Variants in KCNK2 observed in about 807,000 individuals in gnomAD.
KCNK2 encodes the protein potassium two pore domain channel subfamily K member 2.
A neutral mutation model predicts 40.5 loss-of-function variants in KCNK2; 21 were observed. The observed-to-expected ratio is 0.52, with a 90% CI of 0.37 to 0.75. The LOEUF (loss-of-function observed/expected upper bound fraction) is 0.75, where lower values mean the gene tolerates loss of function less well. Among genes scored for constraint, KCNK2 ranks in the 30% least tolerant of loss-of-function variants. The pLI, the probability that KCNK2 is intolerant of heterozygous loss-of-function variation, is 0.00. For synonymous variants in KCNK2, 191 were observed against 202.2 expected (o/e 0.94, Z 0.47); for missense variants, 399 against 531.6 (o/e 0.75, Z 2.45).
At chr1:215,024,865 C>A (rs1656939060) in intron 1 of KCNK2, among the ~76,000 whole-genome samples, 1 of 151,986 alleles carries the variant, frequency 6.6e-6, no homozygotes, top group African/African-American at 2.4e-5. Flanking sequence ...ATTTAATAGC[C>A]TGTGGACTAA....
chr1:215,030,437 T>C (rs1330526861), intron 1 of KCNK2, among the ~76,000 whole-genome samples: 3 of 152,148 alleles, frequency 2.0e-5, no homozygotes, highest in African/African-American at 7.2e-5. Context: ...CTTTCTATTA[T>C]GGATTGTGCC....
chr1:215,083,635 C>T, intron 1 of KCNK2: 3 of 606,386 alleles, frequency 4.9e-6, no homozygotes, highest in South Asian at 2.0e-5. Flanking sequence ...CCTCTCCCGC[C>T]GGTGCCCGGG....
Position 215,083,356 on chromosome 1 carries a change from T to C in KCNK2, c.-30T>C. 1 of 1,614,114 alleles carries C rather than the reference T, an allele frequency of 6.2e-7. No homozygotes were observed. Among genetic ancestry groups the C allele is most frequent in the Non-Finnish European group, 8.5e-7 (1 of 1,180,012 alleles). On this transcript the variant is annotated 5_prime_UTR_variant, in exon 1 of 7. Coordinates refer to ENST00000444842, the MANE Select transcript of KCNK2 (RefSeq NM_001017425.3). ...AAAAAAAGCTTCAAGTCCGTCTTTT[T>C]CAAAAAACATTTTGAATGCTGCATG...
intron 6 of KCNK2, among the ~76,000 whole-genome samples, chr1:215,219,114 C>T (rs1391034324): frequency 6.6e-6 from 1 of 152,258 alleles, no homozygotes; most frequent in South Asian, 2.1e-4. Flanking sequence ...AAAGATAACT[C>T]ACAGAGACAC....
chr1:215,098,879 T>C (rs1364820770), intron 2 of KCNK2, among the ~76,000 whole-genome samples: 1 of 152,006 alleles, frequency 6.6e-6, no homozygotes, highest in Non-Finnish European at 1.5e-5. Context: ...TTTTTCTCTA[T>C]GATGACTTAG....
chr1:215,230,944 T>G (rs762824405), intron 6 of KCNK2, among the ~76,000 whole-genome samples: 8 of 152,164 alleles, frequency 5.3e-5, no homozygotes, highest in Non-Finnish European at 1.0e-4. Flanking sequence ...TATTAATAAT[T>G]TATGGACTCC....
intron 3 of KCNK2, among the ~76,000 whole-genome samples, chr1:215,153,596 C>T (rs1305368977): frequency 1.3e-5 from 2 of 150,786 alleles, no homozygotes; most frequent in African/African-American, 2.4e-5. Flanking sequence ...TTTTCTCTGA[C>T]ATCTCTTTTT....
intron 2 of KCNK2, among the ~76,000 whole-genome samples, chr1:215,104,846 C>A (rs1173186840): frequency 1.3e-5 from 2 of 151,798 alleles, no homozygotes. Context: ...TTGTAAGGGG[C>A]TATGGGGTTT....
chr1:215,132,230 C>G (rs978450023), intron 3 of KCNK2, among the ~76,000 whole-genome samples: 1 of 152,152 alleles, frequency 6.6e-6, no homozygotes, highest in African/African-American at 2.4e-5. Flanking sequence ...GTTTTCTGTT[C>G]AACTTTATGA....
intron 2 of KCNK2, among the ~76,000 whole-genome samples, chr1:215,102,938 C>T (rs1660286239): frequency 6.6e-6 from 1 of 151,900 alleles, no homozygotes; most frequent in Non-Finnish European, 1.5e-5. Flanking sequence ...TCAGAACAGA[C>T]CCCCATGTAA....
At chr1:215,059,689 G>T (rs2102506547) in intron 1 of KCNK2, among the ~76,000 whole-genome samples, 1 of 152,204 alleles carries the variant, frequency 6.6e-6, no homozygotes, top group Non-Finnish European at 1.5e-5. Flanking sequence ...CTAGATCACA[G>T]AATTTTATTT....
chr1:215,083,447 C>T lies in KCNK2; in HGVS notation c.46+16C>T, dbSNP rs1558082478. On this transcript the variant is annotated intron_variant, in intron 1 of 6. Transcript: ENST00000444842. ...AGAGCAGGAGGTGAGACCCCCCCTC[C>T]GGTACCCCCACCCCTCTGGCCGCAC... The T allele has an allele frequency of 6.3e-7, 1 of 1,590,962 alleles. No homozygotes were observed. The highest frequency in any genetic ancestry group is 8.6e-7 in the Non-Finnish European group (1 of 1,159,472).
intron 3 of KCNK2, among the ~76,000 whole-genome samples, chr1:215,146,168 C>A (rs1662403062): frequency 6.6e-6 from 1 of 152,064 alleles, no homozygotes. Context: ...GCATGCATTT[C>A]AAATGTATTC....
chr1:215,081,347 G>A (rs1659148526), upstream of KCNK2, among the ~76,000 whole-genome samples: 1 of 152,116 alleles, frequency 6.6e-6, no homozygotes, highest in South Asian at 2.1e-4. Flanking sequence ...GCACATTATA[G>A]GTGACCTAGA....
At chr1:215,150,897 T>C (rs1662659177) in intron 3 of KCNK2, among the ~76,000 whole-genome samples, 1 of 152,006 alleles carries the variant, frequency 6.6e-6, no homozygotes, top group Non-Finnish European at 1.5e-5. Flanking sequence ...AGAGTAATGA[T>C]AAAAATAGTT....
intron 6 of KCNK2, among the ~76,000 whole-genome samples, chr1:215,210,379 ATT>A (rs1665688875): frequency 6.6e-6 from 1 of 151,822 alleles, no homozygotes; most frequent in African/African-American, 2.4e-5. Flanking sequence ...CAGGGTAAGA[ATT>A]GCTTTCCTAT....
chr1:215,041,675 G>A (rs1307257555), intron 1 of KCNK2, among the ~76,000 whole-genome samples: 1 of 152,062 alleles, frequency 6.6e-6, no homozygotes, highest in African/African-American at 2.4e-5. Flanking sequence ...ATATGTGCCT[G>A]GATTGTGCAC....
intron 3 of KCNK2, among the ~76,000 whole-genome samples, chr1:215,148,760 G>T (rs1222481019): frequency 6.6e-6 from 1 of 152,172 alleles, no homozygotes; most frequent in Admixed American, 6.5e-5. Flanking sequence ...TATGTATGTT[G>T]AAAGAAGGCA....
intron 3 of KCNK2, among the ~76,000 whole-genome samples, chr1:215,148,715 A>G (rs1022721200): frequency 6.6e-6 from 1 of 152,200 alleles, no homozygotes; most frequent in African/African-American, 2.4e-5. Flanking sequence ...TTCACGTTAG[A>G]GTAATACATA....
Sources: allele counts gnomAD v4.1 joint callset (sites outside exome capture counted in the v4.1 genomes callset), GRCh38; gene constraint gnomAD v4.1.1; transcripts MANE v1.5; gene names NCBI Gene and HGNC (gene_info 2026-07-23, HGNC 2026-07-21).